Variants in SRD5A2 observed in about 807,000 individuals in gnomAD.
SRD5A2 encodes the protein steroid 5 alpha-reductase 2, also known as 3-oxo-5-alpha-steroid 4-dehydrogenase 2.
A neutral mutation model predicts 27.4 loss-of-function variants in SRD5A2; 30 were observed. That is an observed-to-expected ratio of 1.10 (90% confidence interval 0.82 to 1.49). The LOEUF (loss-of-function observed/expected upper bound fraction) is 1.49, where lower values mean the gene tolerates loss of function less well. SRD5A2 is among the 40% of genes most tolerant of loss of function. SRD5A2 has a pLI of 0.00. For synonymous variants in SRD5A2, 141 were observed against 133.6 expected, an observed-to-expected ratio of 1.06 and a Z score of -0.38; for missense variants, 348 against 323.4, an observed-to-expected ratio of 1.08 and a Z score of -0.58.
chr2:31,627,575 G>C, the SRD5A2 span, among the ~76,000 whole-genome samples: 2 of 152,132 alleles, frequency 1.3e-5, no homozygotes, highest in East Asian at 3.9e-4. Flanking sequence ...GTTAAATCGA[G>C]ATCTTTCTAA....
At chr2:31,656,987 T>C in the SRD5A2 span, among the ~76,000 whole-genome samples, 1 of 152,144 alleles carries the variant, frequency 6.6e-6, no homozygotes, top group Non-Finnish European at 1.5e-5. Flanking sequence ...AAACCTTCAA[T>C]GTCGTTGAAA....
In SRD5A2 at chr2:31,526,249, T is replaced by C; in HGVS notation, c.712A>G (p.Met238Val). ...AFHHHRFYLK[M>V]FEDYPKSRKA... ...CGAGATTTGGGGTAGTCCTCAAACA[T>C]CTTGAGGTAGAACCTAAAAGACAAG... Residue 238 changes from methionine to valine, a missense_variant, in exon 5 of 5, where the codon ATG becomes GTG. Coordinates refer to ENST00000622030, the MANE Select transcript of SRD5A2 (RefSeq NM_000348.4). The C allele has an allele frequency of 6.3e-7, 1 of 1,583,830 alleles. No individual in the cohort carries two copies. Among genetic ancestry groups the C allele is most frequent in the Non-Finnish European group, 8.6e-7 (1 of 1,162,286 alleles).
the SRD5A2 span, among the ~76,000 whole-genome samples, chr2:31,598,906 G>C: frequency 6.1e-4 from 92 of 151,982 alleles, no homozygotes; most frequent in Admixed American, 6.0e-3. Context: ...AAGATCCACT[G>C]ATATGCTGCA....
At chr2:31,566,622 G>T (rs1167559684) in intron 1 of SRD5A2, among the ~76,000 whole-genome samples, 1 of 152,156 alleles carries the variant, frequency 6.6e-6, no homozygotes, top group Non-Finnish European at 1.5e-5. Flanking sequence ...TCAACATCTT[G>T]ATACAAAGGA....
the SRD5A2 span, among the ~76,000 whole-genome samples, chr2:31,632,681 G>C: frequency 6.6e-6 from 1 of 152,088 alleles, no homozygotes. Flanking sequence ...AGGGGTCCTA[G>C]GACACGCAGT....
At chr2:31,647,107 T>A in the SRD5A2 span, among the ~76,000 whole-genome samples, 2 of 151,830 alleles carry the variant, frequency 1.3e-5, no homozygotes, top group Non-Finnish European at 2.9e-5. Context: ...ATCACACCAC[T>A]GCACTCCAGC....
the SRD5A2 span, among the ~76,000 whole-genome samples, chr2:31,622,949 CA>C: frequency 6.6e-6 from 1 of 152,110 alleles, no homozygotes; most frequent in Non-Finnish European, 1.5e-5. Context: ...ATCCACTTAT[CA>C]AGCTTTTTCA....
intron 1 of SRD5A2, among the ~76,000 whole-genome samples, chr2:31,575,717 A>G (rs1334814896): frequency 1.3e-5 from 2 of 152,260 alleles, no homozygotes; most frequent in African/African-American, 4.8e-5. Flanking sequence ...TGTGTGCATT[A>G]TACTCTGCTT....
At chr2:31,610,005 TAA>T in the SRD5A2 span, among the ~76,000 whole-genome samples, 1 of 151,712 alleles carries the variant, frequency 6.6e-6, no homozygotes, top group Non-Finnish European at 1.5e-5. Flanking sequence ...CAATAACAAA[TAA>T]AGAGACTGAA....
chr2:31,525,343 C>T lies in SRD5A2; in HGVS notation c.*853G>A. 4.4e-6 allele frequency: 1 copy of T among 226,146 alleles called. No homozygotes were observed. Among genetic ancestry groups the T allele is most frequent in the Non-Finnish European group, 8.8e-6 (1 of 113,534 alleles). The allele number at this position is 226,146 out of a possible 1,614,324, so 14.0% of individuals were successfully genotyped here. On this transcript the variant is annotated 3_prime_UTR_variant, in exon 5 of 5. Coordinates refer to ENST00000622030, the MANE Select transcript of SRD5A2 (RefSeq NM_000348.4). ...TACACTACTCATTATTTGGATATTG[C>T]CACTAGTTTCCAAAAACATGAGAGT... is the stretch of plus-strand genomic sequence containing the variant.
At chr2:31,636,162 A>G in the SRD5A2 span, among the ~76,000 whole-genome samples, 1 of 152,004 alleles carries the variant, frequency 6.6e-6, no homozygotes, top group Non-Finnish European at 1.5e-5. Context: ...ATTTCTTCCA[A>G]TCCAAGAGCA....
At chr2:31,546,989 T>C (rs1440709163) in intron 1 of SRD5A2, among the ~76,000 whole-genome samples, 1 of 151,846 alleles carries the variant, frequency 6.6e-6, no homozygotes, top group African/African-American at 2.4e-5. Flanking sequence ...TCCCAGTTAC[T>C]AGGCAGGGTG....
At chr2:31,608,651 A>G in the SRD5A2 span, among the ~76,000 whole-genome samples, 1 of 152,058 alleles carries the variant, frequency 6.6e-6, no homozygotes, top group East Asian at 1.9e-4. Context: ...ATGAAATTAC[A>G]AAAACAATCC....
the SRD5A2 span, among the ~76,000 whole-genome samples, chr2:31,624,809 A>G: frequency 2.0e-5 from 3 of 152,154 alleles, no homozygotes; most frequent in Non-Finnish European, 4.4e-5. Context: ...ATAGTGCCAC[A>G]ATAAATATGC....
intron 1 of SRD5A2, among the ~76,000 whole-genome samples, chr2:31,559,058 T>C (rs1257321392): frequency 1.3e-5 from 2 of 152,236 alleles, no homozygotes; most frequent in African/African-American, 4.8e-5. Flanking sequence ...CTTGTTTATA[T>C]GGCTGGGCCC....
At chr2:31,660,416 T>G in the SRD5A2 span, among the ~76,000 whole-genome samples, 1 of 152,156 alleles carries the variant, frequency 6.6e-6, no homozygotes, top group Non-Finnish European at 1.5e-5. Flanking sequence ...GATACACCTC[T>G]AGGGATACAA....
chr2:31,529,604 T>C, intron 3 of SRD5A2, 147 bp from the exon 4 acceptor site: 1 of 1,159,770 alleles, frequency 8.6e-7, no homozygotes, highest in Non-Finnish European at 1.2e-6. Flanking sequence ...TTTGGTGGAA[T>C]CCTCTTGGGG....
the SRD5A2 span, among the ~76,000 whole-genome samples, chr2:31,661,525 G>T: frequency 2.6e-5 from 4 of 152,130 alleles, no homozygotes; most frequent in Non-Finnish European, 1.5e-5. Flanking sequence ...AAGGTAGTCT[G>T]GAACAAAAGG....
At chr2:31,657,582 G>A in the SRD5A2 span, among the ~76,000 whole-genome samples, 1 of 151,976 alleles carries the variant, frequency 6.6e-6, no homozygotes, top group African/African-American at 2.4e-5. Context: ...CTAGACCCTA[G>A]TATTTAATAA....
Sources: allele counts gnomAD v4.1 joint callset (sites outside exome capture counted in the v4.1 genomes callset), GRCh38; gene constraint gnomAD v4.1.1; transcripts MANE v1.5; gene names NCBI Gene and HGNC (gene_info 2026-07-23, HGNC 2026-07-21).